The following TRAPPC10 variants were observed in gnomAD, a reference collection of about 807,000 sequenced individuals.
TRAPPC10 encodes the protein trafficking protein particle complex subunit 10.
TRAPPC10 carries 23 observed loss-of-function variants against 125.5 expected under a neutral mutation model. The observed-to-expected ratio is 0.18, with a 90% confidence interval of 0.13 to 0.26. The LOEUF (loss-of-function observed/expected upper bound fraction) is 0.26, where lower values mean the gene tolerates loss of function less well. Among genes scored for constraint, TRAPPC10 ranks in the 10% least tolerant of loss-of-function variants. TRAPPC10 has a pLI of 1.00. For missense variants in TRAPPC10, 1,123 were observed against 1,308.4 expected (o/e 0.86, Z 2.19); for synonymous variants, 509 against 518.0 (o/e 0.98, Z 0.24).
intron 15 of TRAPPC10, among the ~76,000 whole-genome samples, chr21:44,086,271 G>T (rs1393031499): frequency 6.6e-6 from 1 of 152,188 alleles, no homozygotes; most frequent in Non-Finnish European, 1.5e-5. Context: ...CCTGCAGCAG[G>T]ATTCTCAGAG....
chr21:44,074,003 A>C (rs895277229), intron 7 of TRAPPC10, among the ~76,000 whole-genome samples: 1 of 151,826 alleles, frequency 6.6e-6, no homozygotes, highest in Non-Finnish European at 1.5e-5. Flanking sequence ...TTCTTTTTCT[A>C]TATATATTTT....
intron 9 of TRAPPC10, among the ~76,000 whole-genome samples, 174 bp from the exon 10 acceptor site, chr21:44,076,378 A>G (rs1213373248): frequency 1.3e-5 from 2 of 152,248 alleles, no homozygotes; most frequent in African/African-American, 4.8e-5. Flanking sequence ...TTTTATGAAT[A>G]TGTGAATTGA....
chr21:44,093,752 C>T (rs1254769784), intron 19 of TRAPPC10, among the ~76,000 whole-genome samples: 1 of 151,950 alleles, frequency 6.6e-6, no homozygotes, highest in African/African-American at 2.4e-5. Context: ...AGCGAGACTC[C>T]ATTTCAAAAA....
At chr21:44,037,769 T>A in intron 2 of TRAPPC10, 23 bp from the exon 3 acceptor site, 1 of 1,604,258 alleles carries the variant, frequency 6.2e-7, no homozygotes, top group Non-Finnish European at 8.5e-7. Context: ...GTTTTCTCAG[T>A]GACTTCAAAC....
chr21:44,016,885 G>A (rs1340161126), intron 1 of TRAPPC10, among the ~76,000 whole-genome samples: 3 of 152,132 alleles, frequency 2.0e-5, no homozygotes, highest in East Asian at 3.9e-4. Context: ...GTCTTGATCT[G>A]ACCTTGTGAT....
intron 7 of TRAPPC10, among the ~76,000 whole-genome samples, chr21:44,073,368 T>C (rs1409631815): frequency 6.6e-6 from 1 of 152,166 alleles, no homozygotes; most frequent in Non-Finnish European, 1.5e-5. Context: ...CTAGGACACA[T>C]CATGAAGTCA....
chr21:44,087,850 G>A lies in TRAPPC10; in HGVS notation c.2691G>A (p.Met897Ile). 1 of 1,614,248 alleles carries A rather than the reference G, an allele frequency of 6.2e-7. No individual in the cohort carries two copies. Among genetic ancestry groups the A allele is most frequent in the Non-Finnish European group, 8.5e-7 (1 of 1,180,034 alleles). ...CAGCACTCGGAGGGGAGAGTGACAT[G>A]CTGGGGATGGCAGAGCCCCACAGGA... ...SAPALGGESD[M>I]LGMAEPHRKH... is the part of the protein sequence containing the mutation. Residue 897 changes from methionine (M) to isoleucine (I), a missense_variant, in exon 17 of 23, where the codon ATG becomes ATA. Transcript: ENST00000291574. The surrounding 1 kb of genome is among the most constrained non-coding windows in gnomAD (Gnocchi z 4.6).
Position 44,083,186 on chromosome 21 carries a change from A to C in TRAPPC10, c.2122A>C (p.Ser708Arg). 6.2e-7 allele frequency: 1 copy of C among 1,614,202 alleles called. No individual in the cohort carries two copies. The highest frequency in any genetic ancestry group is 8.5e-7 in the Non-Finnish European group (1 of 1,180,036). The change falls in exon 14 of 23, where the codon AGC (serine) becomes CGC (arginine). Residue 708 changes from serine (S) to arginine (R), a missense_variant. Coordinates refer to ENST00000291574, the MANE Select transcript of TRAPPC10 (RefSeq NM_003274.5). ...NVHMLLRRQE[S>R]SSSLEMPSGV... Reference sequence around the variant, plus strand: ...CCACATGCTCCTGAGAAGGCAGGAGAGCAGCTCCTCTCTAGAGATGCCCTC... The same window carrying C: ...CCACATGCTCCTGAGAAGGCAGGAGCGCAGCTCCTCTCTAGAGATGCCCTC...
intron 2 of TRAPPC10, 73 bp from the exon 3 acceptor site, chr21:44,037,716 TTTG>T (rs1231557245): frequency 6.6e-6 from 10 of 1,516,738 alleles, no homozygotes; most frequent in African/African-American, 1.4e-5. Context: ...CATTACATTA[TTTG>T]TTGTTCTATT....
chr21:44,081,005 C>CTTTTTTTTTATTTTT (rs2037673176), intron 13 of TRAPPC10, among the ~76,000 whole-genome samples: 1 of 103,870 alleles, frequency 9.6e-6, no homozygotes, highest in Non-Finnish European at 2.2e-5. Flanking sequence ...TATTATTGTT[C>CTTTTTTTTTATTTTT]TTTTTTTTTT....
chr21:44,061,205 C>T (rs375520414), intron 6 of TRAPPC10, among the ~76,000 whole-genome samples: 4 of 151,998 alleles, frequency 2.6e-5, no homozygotes, highest in African/African-American at 9.7e-5. Flanking sequence ...GGCGCCATCT[C>T]GGCTCACTGC....
intron 3 of TRAPPC10, chr21:44,047,164 G>T: frequency 2.5e-6 from 1 of 395,260 alleles, no homozygotes; most frequent in South Asian, 2.9e-5. Context: ...TTATAGTTTT[G>T]ATTTAATTTG....
At chr21:44,065,048 G>T (rs554860856) in intron 7 of TRAPPC10, among the ~76,000 whole-genome samples, 1 of 152,324 alleles carries the variant, frequency 6.6e-6, no homozygotes, top group Admixed American at 6.5e-5. Flanking sequence ...CTCTGTTCAT[G>T]TGTACCTAGG....
At chr21:44,088,537 C>G (rs1335236179) in intron 17 of TRAPPC10, 1 of 155,802 alleles carries the variant, frequency 6.4e-6, no homozygotes, top group African/African-American at 2.4e-5. Context: ...GGGCAAAGGG[C>G]AAGGCATGCC....
intron 11 of TRAPPC10, among the ~76,000 whole-genome samples, chr21:44,079,241 A>T (rs974809604): frequency 6.6e-6 from 1 of 152,138 alleles, no homozygotes; most frequent in Non-Finnish European, 1.5e-5. Context: ...TCAGCTTGAG[A>T]TCATGAATGA....
intron 13 of TRAPPC10, among the ~76,000 whole-genome samples, chr21:44,080,623 C>T (rs1055450213): frequency 6.6e-6 from 1 of 151,844 alleles, no homozygotes; most frequent in Non-Finnish European, 1.5e-5. Context: ...CCACAACCTC[C>T]GTCTCCCGGG....
At chr21:44,039,365 C>T (rs2034247376) in intron 3 of TRAPPC10, among the ~76,000 whole-genome samples, 1 of 152,354 alleles carries the variant, frequency 6.6e-6, no homozygotes, top group South Asian at 2.1e-4. Flanking sequence ...TCACTTCAGA[C>T]TGGCACCTGT....
intron 13 of TRAPPC10, among the ~76,000 whole-genome samples, chr21:44,080,569 G>A (rs1217759815): frequency 6.7e-6 from 1 of 149,184 alleles, no homozygotes; most frequent in East Asian, 1.9e-4. Context: ...ACAGAGTCTC[G>A]CTCTGTTGTC....
Position 44,047,712 on chromosome 21 carries a change from C to T in TRAPPC10, c.286-4568C>T, listed in dbSNP as rs572720953. 3.9e-5 allele frequency among the ~76,000 whole-genome samples: 6 copies of T among 152,224 alleles called. No homozygotes were observed. The South Asian group carries it at 1.2e-3, about 32-fold the overall frequency. On this transcript the variant is annotated intron_variant, in intron 3 of 22. Coordinates refer to ENST00000291574, the MANE Select transcript of TRAPPC10 (RefSeq NM_003274.5). ...AACCTTTTCTTCTGCAGTGTCTAAT[C>T]GGCTCTCATTCCACTTAGCATATTT...
Sources: allele counts gnomAD v4.1 joint callset (sites outside exome capture counted in the v4.1 genomes callset), GRCh38; gene constraint gnomAD v4.1.1; non-coding constraint Gnocchi (gnomAD v3.1); transcripts MANE v1.5; gene names NCBI Gene and HGNC (gene_info 2026-07-23, HGNC 2026-07-21).